The following PBX3 variants were observed in gnomAD, a reference collection of about 807,000 sequenced individuals.
PBX3 encodes PBX homeobox 3.
In PBX3, 14 loss-of-function variants were observed where a neutral mutation model predicts 48.5. The ratio of observed to expected loss-of-function variants is 0.29; its 90% CI spans 0.19 to 0.45. PBX3 has a LOEUF of 0.45. Among genes scored for constraint, PBX3 ranks in the 20% least tolerant of loss-of-function variants. PBX3 has a pLI of 1.00. For synonymous variants in PBX3, 210 were observed against 200.3 expected (o/e 1.05, Z -0.41); for missense variants, 386 against 546.7 (o/e 0.71, Z 2.93).
chr9:125,821,717 A>T (rs1198539924), intron 2 of PBX3, among the ~76,000 whole-genome samples: 1 of 152,172 alleles, frequency 6.6e-6, no homozygotes. Flanking sequence ...ACAGTGAAAT[A>T]ATTCAAGGAT....
chr9:125,817,837 T>C (rs1443514611), intron 2 of PBX3, among the ~76,000 whole-genome samples: 1 of 152,162 alleles, frequency 6.6e-6, no homozygotes, highest in Non-Finnish European at 1.5e-5. Flanking sequence ...TGGAATTCCT[T>C]GGAGATAAAT....
At chr9:125,775,358 A>G (rs1444615897) in intron 2 of PBX3, among the ~76,000 whole-genome samples, 1 of 152,144 alleles carries the variant, frequency 6.6e-6, no homozygotes, top group East Asian at 1.9e-4. Context: ...GCCCATTTTT[A>G]AAAACTTTTA....
intron 3 of PBX3, among the ~76,000 whole-genome samples, chr9:125,923,402 C>T (rs1051526945): frequency 1.1e-4 from 17 of 152,276 alleles, no homozygotes; most frequent in Admixed American, 2.6e-4. Context: ...GCATTAGAAA[C>T]GCTTCCATAC....
At position 125,960,829 on chromosome 9, in the gene PBX3, C is replaced by T. The variant is rs370710553; in HGVS notation, c.989C>T (p.Ser330Leu). 9 of 1,613,902 alleles carry T rather than the reference C, an allele frequency of 5.6e-6. No individual in the cohort carries two copies. Among genetic ancestry groups the T allele is most frequent in the Admixed American group, 1.7e-5 (1 of 60,006 alleles). The change falls in exon 6 of 9, where the codon TCG becomes TTG. Residue 330 changes from serine to leucine, a missense_variant. Coordinates refer to ENST00000373489, the MANE Select transcript of PBX3 (RefSeq NM_006195.6). The part of the protein sequence containing the change: ...AAAVQNNQTN[S>L]PTTPNSGSSG... Reference sequence around the variant, plus strand: ...GCTGTGCAGAACAACCAGACCAATTCGCCCACCACACCAAATTCCGGTGCG... The same window carrying T: ...GCTGTGCAGAACAACCAGACCAATTTGCCCACCACACCAAATTCCGGTGCG...
intron 2 of PBX3, among the ~76,000 whole-genome samples, chr9:125,871,466 T>C (rs1253051804): frequency 6.6e-6 from 1 of 151,824 alleles, no homozygotes; most frequent in African/African-American, 2.4e-5. Flanking sequence ...CAATGGAATA[T>C]GACACAGCAA....
At chr9:125,924,399 T>A (rs1283060511) in intron 3 of PBX3, among the ~76,000 whole-genome samples, 2 of 152,216 alleles carry the variant, frequency 1.3e-5, no homozygotes, top group Non-Finnish European at 2.9e-5. Context: ...AGATATGTCA[T>A]TGCAAAAGAG....
At chr9:125,838,484 G>C (rs1302460347) in intron 2 of PBX3, among the ~76,000 whole-genome samples, 1 of 152,136 alleles carries the variant, frequency 6.6e-6, no homozygotes, top group African/African-American at 2.4e-5. Flanking sequence ...TAGCTCCTTG[G>C]TATCCACAAG....
intron 8 of PBX3, 116 bp downstream of exon 8, chr9:125,963,217 G>C: frequency 1.9e-6 from 1 of 531,118 alleles, no homozygotes; most frequent in South Asian, 3.6e-5. Flanking sequence ...AGGGAAGGCA[G>C]CGTCTTTGCT....
intron 3 of PBX3, among the ~76,000 whole-genome samples, chr9:125,918,203 C>T (rs1465181118): frequency 6.6e-6 from 1 of 152,196 alleles, no homozygotes; most frequent in Non-Finnish European, 1.5e-5. Flanking sequence ...TGTGTCTTTA[C>T]ACCTGCCTCC....
At chr9:125,867,794 A>C (rs573812526) in intron 2 of PBX3, among the ~76,000 whole-genome samples, 82 of 152,018 alleles carry the variant, frequency 5.4e-4, no homozygotes, top group South Asian at 1.5e-3. Context: ...ATATACACAC[A>C]CATATATATA....
At position 125,747,672 on chromosome 9, in the gene PBX3, A is replaced by G. The variant is rs1301908115; in HGVS notation, c.200+19A>G. On this transcript the variant is annotated intron_variant, in intron 1 of 8. Transcript: ENST00000373489. ...AAGCAAAGTTGGTGTCGTCTCATTA[A>G]GCATCTTTTGTGTGTGTGCGGGAGC... The G allele has an allele frequency of 6.4e-7, 1 of 1,566,914 alleles. No individual in the cohort carries two copies. Among genetic ancestry groups the G allele is most frequent in the South Asian group, 1.2e-5 (1 of 86,722 alleles).
chr9:125,837,307 C>G lies in PBX3; in HGVS notation c.275-78379C>G, dbSNP rs77743828. ...ATATATGTATTATATACATGTATATCTGATATAGGAAAAATAATAGAAATG... is the reference window on the plus strand; with the variant it reads ...ATATATGTATTATATACATGTATATGTGATATAGGAAAAATAATAGAAATG... On this transcript the variant is annotated intron_variant, in intron 2 of 8. Transcript: ENST00000373489. Among the ~76,000 whole-genome samples the G allele has an allele frequency of 4.2e-4, 64 of 151,156 alleles. No homozygotes were observed. In the East Asian group the frequency reaches 0.012, roughly 29 times the overall value.
intron 2 of PBX3, among the ~76,000 whole-genome samples, chr9:125,816,622 G>C (rs991030091): frequency 6.6e-6 from 1 of 152,212 alleles, no homozygotes; most frequent in Non-Finnish European, 1.5e-5. Context: ...GTAAGTTGCA[G>C]AACTGGGATA....
chr9:125,884,133 T>C (rs1461704147), intron 2 of PBX3, among the ~76,000 whole-genome samples: 3 of 152,098 alleles, frequency 2.0e-5, no homozygotes, highest in Admixed American at 6.6e-5. Flanking sequence ...AAAGAGAGGA[T>C]TGGGGGCTGT....
chr9:125,851,819 T>C (rs1315081182), intron 2 of PBX3, among the ~76,000 whole-genome samples: 1 of 151,836 alleles, frequency 6.6e-6, no homozygotes, highest in Non-Finnish European at 1.5e-5. Flanking sequence ...ACATGCTCCT[T>C]AATTAAAAGC....
At chr9:125,842,093 G>T (rs1839304151) in intron 2 of PBX3, among the ~76,000 whole-genome samples, 1 of 152,126 alleles carries the variant, frequency 6.6e-6, no homozygotes, top group Non-Finnish European at 1.5e-5. Flanking sequence ...TTTTGATCAA[G>T]TGTCAATTTG....
At chr9:125,820,122 G>A (rs996579328) in intron 2 of PBX3, among the ~76,000 whole-genome samples, 2 of 152,308 alleles carry the variant, frequency 1.3e-5, no homozygotes, top group African/African-American at 4.8e-5. Context: ...ATTGAAAGAA[G>A]CACTGTGAAA....
intron 2 of PBX3, 38 bp downstream of exon 2, chr9:125,748,661 C>G (rs964494918): frequency 1.3e-6 from 2 of 1,550,412 alleles, no homozygotes; most frequent in South Asian, 1.1e-5. Context: ...TGGAGACCCC[C>G]GAGGTGGGGG....
rs189195215 is a variant in PBX3, at chr9:125,759,263, G to T, written c.274+10640G>T. 3.3e-5 allele frequency among the ~76,000 whole-genome samples: 5 copies of T among 152,304 alleles called. No individual in the cohort carries two copies. The highest frequency in any genetic ancestry group is 3.3e-4 in the Admixed American group (5 of 15,292). On this transcript the variant is annotated intron_variant, in intron 2 of 8. Transcript: ENST00000373489. The surrounding 1 kb of genome is among the most constrained non-coding windows in gnomAD (Gnocchi z 4.2). ...TAAATGCCTCAGTAAATATATGCTG[G>T]AGAACAGAAGCCTATTCACTGAAGA...
Sources: gnomAD v4.1 joint callset for allele counts (sites outside exome capture counted in the v4.1 genomes callset) on GRCh38, gnomAD v4.1.1 for gene constraint, Gnocchi (gnomAD v3.1) non-coding constraint, MANE v1.5 for transcripts, NCBI Gene and HGNC (gene_info 2026-07-23, HGNC 2026-07-21) for gene names.